TMPRSS11D: variants seen among roughly 807,000 people sequenced by gnomAD.
The protein encoded by TMPRSS11D is transmembrane protease serine 11D.
Under a neutral mutation model 44.4 loss-of-function variants are expected in TMPRSS11D, and 32 were observed. The ratio of observed to expected loss-of-function variants is 0.72; its 90% confidence interval spans 0.54 to 0.97. The LOEUF (loss-of-function observed/expected upper bound fraction) is 0.97, where lower values mean the gene tolerates loss of function less well. Among genes scored for constraint, TMPRSS11D ranks in the 50% least tolerant of loss-of-function variants. The probability of loss-of-function intolerance (pLI) is 0.00; values close to 1 mark genes in which losing one functional copy is unlikely to be tolerated. For missense variants in TMPRSS11D, 446 were observed against 502.6 expected (o/e 0.89, Z 1.08); for synonymous variants, 179 against 177.9 (o/e 1.01, Z -0.05).
chr4:67,822,481 T>TGG lies in TMPRSS11D; in HGVS notation c.1111_1112dup (p.Leu372HisfsTer2). 6.2e-7 allele frequency: 1 copy of TGG among 1,613,890 alleles called. No homozygotes were observed. Among genetic ancestry groups the TGG allele is most frequent in the Non-Finnish European group, 8.5e-7 (1 of 1,179,852 alleles). The stretch of plus-strand genomic sequence containing the variant: ...GCCGCCGTGAGTCTTCTTGTACTAG[T>TGG]GGGCCACCAGAGTCACCCTGTAAAA... On this transcript the variant is annotated frameshift_variant, in exon 10 of 10. Coordinates refer to ENST00000283916, the MANE Select transcript of TMPRSS11D (RefSeq NM_004262.3). LOFTEE classifies it high-confidence loss of function.
chr4:67,851,155 T>C (rs1292248325), intron 3 of TMPRSS11D, among the ~76,000 whole-genome samples: 1 of 152,210 alleles, frequency 6.6e-6, no homozygotes, highest in Non-Finnish European at 1.5e-5. Context: ...CTACTGTATG[T>C]GTCTGGGAGG....
chr4:67,870,772 C>G (rs1719040096), intron 1 of TMPRSS11D, among the ~76,000 whole-genome samples: 1 of 148,604 alleles, frequency 6.7e-6, no homozygotes, highest in Non-Finnish European at 1.5e-5. Context: ...GGAGATGGCG[C>G]CACTGCATTC....
Position 67,860,117 on chromosome 4 carries a change from A to T in TMPRSS11D, c.9-439T>A, listed in dbSNP as rs1718761045. ...ATCATTTGGGTGGGAAGAAGTGTCG[A>T]GGAAGATAAAGAAGCAGGGGTGGGG... On this transcript the variant is annotated intron_variant, in intron 1 of 9. Coordinates refer to ENST00000283916, the MANE Select transcript of TMPRSS11D (RefSeq NM_004262.3). Among the ~76,000 whole-genome samples the T allele has an allele frequency of 2.6e-5, 4 of 152,164 alleles. No individual in the cohort carries two copies. The South Asian group carries it at 6.2e-4, about 24-fold the overall frequency.
intron 3 of TMPRSS11D, among the ~76,000 whole-genome samples, chr4:67,850,078 A>T (rs576950200): frequency 5.3e-5 from 8 of 152,326 alleles, no homozygotes; most frequent in Non-Finnish European, 1.2e-4. Context: ...TTGAAATACT[A>T]AATATATTGT....
At chr4:67,878,753 G>A (rs1274132887) in intron 1 of TMPRSS11D, among the ~76,000 whole-genome samples, 4 of 151,864 alleles carry the variant, frequency 2.6e-5, no homozygotes, top group Non-Finnish European at 5.9e-5. Flanking sequence ...GTGAAACCCC[G>A]TCTCTACTAA....
chr4:67,877,349 A>G (rs1490310326), intron 1 of TMPRSS11D, among the ~76,000 whole-genome samples: 1 of 152,048 alleles, frequency 6.6e-6, no homozygotes, highest in Non-Finnish European at 1.5e-5. Flanking sequence ...GAAAAGTGCA[A>G]ATTCCTGTAC....
chr4:67,864,501 GA>G (rs1718871049), intron 1 of TMPRSS11D, among the ~76,000 whole-genome samples: 1 of 151,852 alleles, frequency 6.6e-6, no homozygotes, highest in Non-Finnish European at 1.5e-5. Context: ...GAAAGAGAAA[GA>G]AACAAAATGG....
intron 7 of TMPRSS11D, among the ~76,000 whole-genome samples, chr4:67,828,488 A>G (rs187606524): frequency 6.6e-6 from 1 of 152,202 alleles, no homozygotes; most frequent in East Asian, 1.9e-4. Context: ...TCATGTCTCA[A>G]AGAGGACCAA....
At chr4:67,866,418 C>A (rs1174731905) in intron 1 of TMPRSS11D, among the ~76,000 whole-genome samples, 2 of 151,958 alleles carry the variant, frequency 1.3e-5, no homozygotes, top group East Asian at 3.9e-4. Flanking sequence ...TGAAAGCATT[C>A]CACCGAAGAA....
In TMPRSS11D at chr4:67,883,917, A is replaced by G. The variant is rs553245457; in HGVS notation, c.8+9T>C. On this transcript the variant is annotated intron_variant, in intron 1 of 9. Transcript: ENST00000283916. ...CTTTTAAAGCTACAAAGACAAAAAC[A>G]GGACTTACCTATACATTTTAATCCT... 2 of 1,599,392 alleles carry G rather than the reference A, an allele frequency of 1.3e-6. No homozygotes were observed. The highest frequency in any genetic ancestry group is 1.1e-5 in the South Asian group (1 of 88,536).
At chr4:67,881,860 T>C (rs1719327273) in intron 1 of TMPRSS11D, among the ~76,000 whole-genome samples, 1 of 152,240 alleles carries the variant, frequency 6.6e-6, no homozygotes, top group Admixed American at 6.5e-5. Flanking sequence ...TGTCTGTCCC[T>C]GAGCTGAGAT....
At chr4:67,853,655 G>A (rs1718561324) in intron 3 of TMPRSS11D, among the ~76,000 whole-genome samples, 2 of 152,240 alleles carry the variant, frequency 1.3e-5, no homozygotes, top group South Asian at 2.1e-4. Context: ...AAAGTGTAAT[G>A]TTGTCCAAAC....
chr4:67,850,423 C>T (rs1045055427), intron 3 of TMPRSS11D, among the ~76,000 whole-genome samples: 6 of 151,704 alleles, frequency 4.0e-5, no homozygotes, highest in Middle Eastern at 3.2e-3. Context: ...ACAGATGAAA[C>T]CAGCAACTGA....
At chr4:67,839,247 G>A (rs992786210) in intron 4 of TMPRSS11D, among the ~76,000 whole-genome samples, 1 of 152,166 alleles carries the variant, frequency 6.6e-6, no homozygotes, top group East Asian at 1.9e-4. Flanking sequence ...AATTAGCTGG[G>A]ACTAAGATTC....
chr4:67,868,557 C>T (rs758717955), intron 1 of TMPRSS11D, among the ~76,000 whole-genome samples: 19 of 152,198 alleles, frequency 1.2e-4, no homozygotes, highest in Non-Finnish European at 2.2e-4. Flanking sequence ...AATGAAGAAA[C>T]GGGAACAGAA....
chr4:67,833,522 G>A (rs1181609000), intron 6 of TMPRSS11D, 141 bp from the exon 7 acceptor site: 2 of 706,564 alleles, frequency 2.8e-6, no homozygotes, highest in Non-Finnish European at 4.1e-6. Flanking sequence ...CAAAAAGCAT[G>A]ATCGATATAT....
rs1183208989 is a variant in TMPRSS11D, at chr4:67,825,784, A to G, written c.1043T>C (p.Leu348Ser). The change falls in exon 9 of 10, where the codon TTG becomes TCG. Residue 348 changes from leucine (L) to serine (S), a missense_variant. Physicochemically the swap from Leu to Ser is moderately radical, Grantham distance 145. Transcript: ENST00000283916. Reference protein sequence around the residue: ...NAPHSYNGAILSGMLCAGVPQ... With the variant: ...NAPHSYNGAISSGMLCAGVPQ... ...TACTCCAGCACACAGCATTCCAGAC[A>G]AGATGGCTCCATTATAACTATGTGG... is the stretch of plus-strand genomic sequence containing the variant. 1.9e-6 allele frequency: 3 copies of G among 1,613,228 alleles called. No individual in the cohort carries two copies. Among genetic ancestry groups the G allele is most frequent in the East Asian group, 2.2e-5 (1 of 44,858 alleles).
intron 8 of TMPRSS11D, among the ~76,000 whole-genome samples, chr4:67,826,986 A>G (rs1371423235): frequency 6.6e-6 from 1 of 152,140 alleles, no homozygotes; most frequent in Non-Finnish European, 1.5e-5. Flanking sequence ...TTTGAATCTT[A>G]TAGAATCTCT....
intron 2 of TMPRSS11D, among the ~76,000 whole-genome samples, chr4:67,855,376 G>A (rs773148344): frequency 6.6e-6 from 1 of 151,930 alleles, no homozygotes; most frequent in Non-Finnish European, 1.5e-5. Context: ...CAATCAACTG[G>A]GATTTATCCC....
Sources: gnomAD v4.1 joint callset for allele counts (sites outside exome capture counted in the v4.1 genomes callset) on GRCh38, gnomAD v4.1.1 for gene constraint, MANE v1.5 for transcripts, NCBI Gene and HGNC (gene_info 2026-07-23, HGNC 2026-07-21) for gene names.